CALCR: variants seen among roughly 807,000 people sequenced by gnomAD.
CALCR encodes the protein calcitonin receptor.
Under a neutral mutation model 59.5 loss-of-function variants are expected in CALCR, and 47 were observed. The ratio of observed to expected loss-of-function variants is 0.79; its 90% CI spans 0.63 to 1.01. CALCR has a LOEUF of 1.01. Ranked by LOEUF, CALCR falls within the 50% of genes least tolerant of loss-of-function variation. CALCR has a pLI of 0.00. For synonymous variants in CALCR, 213 were observed against 211.3 expected (o/e 1.01, Z -0.07); for missense variants, 566 against 597.1 (o/e 0.95, Z 0.54).
rs748742308 is a variant in CALCR at position 93,426,558 on chromosome 7, T to G, written c.1223A>C (p.Gln408Pro). 2.5e-6 allele frequency: 4 copies of G among 1,610,646 alleles called. No homozygotes were observed. The change falls in exon 14 of 14, where the codon CAA (glutamine) becomes CCA (proline). Residue 408 changes from glutamine to proline, a missense_variant. By Grantham distance (76) the Gln-to-Pro change is moderately conservative. Coordinates refer to ENST00000426151, the MANE Select transcript of CALCR (RefSeq NM_001742.4). ...VQTTVKRQWA[Q>P]FKIQWNQRWG... is the part of the protein sequence containing the mutation. Reference sequence around the variant, plus strand: ...ACGCTGGTTCCACTGAATTTTGAATTGGGCCCATTGGCGCTTCACGGTGGT... The same window carrying G: ...ACGCTGGTTCCACTGAATTTTGAATGGGGCCCATTGGCGCTTCACGGTGGT...
intron 2 of CALCR, among the ~76,000 whole-genome samples, chr7:93,573,976 A>G (rs1490040292): frequency 1.3e-5 from 2 of 152,222 alleles, no homozygotes; most frequent in East Asian, 1.9e-4. Context: ...TTCCTACCCA[A>G]TAAGTTGGAG....
chr7:93,552,314 C>T (rs951428652), intron 2 of CALCR, among the ~76,000 whole-genome samples: 1 of 152,142 alleles, frequency 6.6e-6, no homozygotes, highest in African/African-American at 2.4e-5. Flanking sequence ...TATGAGCTTA[C>T]CAAAGTCACA....
At chr7:93,488,599 A>AAAAAAAAAAAAC (rs1801002847) in intron 2 of CALCR, among the ~76,000 whole-genome samples, 2 of 149,722 alleles carry the variant, frequency 1.3e-5, no homozygotes, top group African/African-American at 2.4e-5. Context: ...AAAAAAAAAA[A>AAAAAAAAAAAAC]AAGCATGGGT....
At chr7:93,572,043 A>G (rs552538962) in intron 2 of CALCR, among the ~76,000 whole-genome samples, 1 of 152,296 alleles carries the variant, frequency 6.6e-6, no homozygotes, top group African/African-American at 2.4e-5. Flanking sequence ...GAGTTCATTT[A>G]CTAAAACATT....
intron 3 of CALCR, chr7:93,482,629 TAAC>T (rs1473769669): frequency 3.2e-6 from 1 of 307,892 alleles, no homozygotes; most frequent in Non-Finnish European, 6.4e-6. Context: ...TGTCCGAGGA[TAAC>T]AAGTAGAAAA....
At chr7:93,463,998 G>T (rs1800391983) in intron 7 of CALCR, among the ~76,000 whole-genome samples, 1 of 151,980 alleles carries the variant, frequency 6.6e-6, no homozygotes, top group Non-Finnish European at 1.5e-5. Flanking sequence ...ACCAATCAAG[G>T]TGTCATTCAA....
intron 2 of CALCR, among the ~76,000 whole-genome samples, chr7:93,496,895 C>G (rs1054564287): frequency 2.6e-5 from 4 of 151,652 alleles, no homozygotes; most frequent in Admixed American, 6.6e-5. Context: ...GCTGCCACAG[C>G]AAAGCCTTCT....
chr7:93,478,389 G>C (rs1177894475), intron 4 of CALCR, among the ~76,000 whole-genome samples: 1 of 151,750 alleles, frequency 6.6e-6, no homozygotes, highest in Non-Finnish European at 1.5e-5. Context: ...TCCCTACCAA[G>C]TTGGGTTGTC....
At chr7:93,459,530 C>A (rs1584552098) in intron 8 of CALCR, among the ~76,000 whole-genome samples, 2 of 152,132 alleles carry the variant, frequency 1.3e-5, no homozygotes, top group Non-Finnish European at 2.9e-5. Flanking sequence ...TCCTCCCCTG[C>A]CAGTTTATTT....
At chr7:93,444,678 T>C (rs1584541115) in intron 8 of CALCR, among the ~76,000 whole-genome samples, 1 of 151,982 alleles carries the variant, frequency 6.6e-6, no homozygotes, top group African/African-American at 2.4e-5. Context: ...ATGTCCCCAG[T>C]TGAGGATGCG....
In CALCR at chr7:93,425,864, T is replaced by C. The variant is rs1039259791; in HGVS notation, c.*492A>G. 1 of 153,034 alleles carries C rather than the reference T, an allele frequency of 6.5e-6. No homozygotes were observed. Among genetic ancestry groups the C allele is most frequent in the African/African-American group, 2.4e-5 (1 of 41,450 alleles). 9.5% of individuals were successfully genotyped at this position (153,034 alleles called of 1,614,324 possible). A position where few individuals can be genotyped will look rare whatever the true frequency, so the allele number is the denominator to read the frequency against. ...GTCACGTAGTTCATGTGGTTTACAT[T>C]GTAAGGATGGTAAAACATCTCAGTA... is the stretch of plus-strand genomic sequence containing the variant. On this transcript the variant is annotated 3_prime_UTR_variant, in exon 14 of 14. Transcript: ENST00000426151.
chr7:93,526,799 A>G (rs996264513), intron 2 of CALCR, among the ~76,000 whole-genome samples: 2 of 152,122 alleles, frequency 1.3e-5, no homozygotes, highest in African/African-American at 2.4e-5. Context: ...ATTCAACAAC[A>G]TAGTTACTTA....
chr7:93,485,112 C>T (rs77629101), intron 3 of CALCR, among the ~76,000 whole-genome samples: 1,799 of 151,734 alleles, frequency 0.012, 47 homozygotes, highest in South Asian at 0.067. Flanking sequence ...ACATAATAAA[C>T]GTTTTGAAGA....
intron 2 of CALCR, among the ~76,000 whole-genome samples, chr7:93,572,535 T>C (rs975344386): frequency 5.3e-5 from 8 of 152,102 alleles, no homozygotes; most frequent in Non-Finnish European, 1.2e-4. Flanking sequence ...CCATTACCGG[T>C]CTCCTATTTC....
intron 13 of CALCR, among the ~76,000 whole-genome samples, chr7:93,433,690 A>G (rs886181141): frequency 6.6e-6 from 1 of 152,236 alleles, no homozygotes; most frequent in Non-Finnish European, 1.5e-5. Context: ...GTTGGAAGAA[A>G]GGGTAACTCT....
chr7:93,525,342 T>C (rs1801854934), intron 2 of CALCR, among the ~76,000 whole-genome samples: 1 of 152,194 alleles, frequency 6.6e-6, no homozygotes, highest in African/African-American at 2.4e-5. Context: ...GGCTTTGGTG[T>C]AACAGAAGTT....
intron 2 of CALCR, among the ~76,000 whole-genome samples, chr7:93,519,203 A>T (rs1050851436): frequency 6.6e-6 from 1 of 152,010 alleles, no homozygotes; most frequent in Non-Finnish European, 1.5e-5. Context: ...TGTGAATTTA[A>T]ATTCTATAAA....
chr7:93,487,001 CT>C lies in CALCR; in HGVS notation c.-21del. On this transcript the variant is annotated 5_prime_UTR_variant, in exon 3 of 14. Coordinates refer to ENST00000426151, the MANE Select transcript of CALCR (RefSeq NM_001742.4). ...CCTCATTTTTGATTTTTGAAGATCT[CT>C]TTGTCCTAGAAAAATATAAAAGCAA... The C allele has an allele frequency of 6.4e-7, 1 of 1,551,408 alleles. No homozygotes were observed. The highest frequency in any genetic ancestry group is 8.9e-7 in the Non-Finnish European group (1 of 1,127,576).
intron 2 of CALCR, among the ~76,000 whole-genome samples, chr7:93,541,266 C>G (rs1165656254): frequency 6.6e-6 from 1 of 152,116 alleles, no homozygotes; most frequent in East Asian, 1.9e-4. Flanking sequence ...CTCTGCCTCC[C>G]AAGTTCAAGC....
Sources: gnomAD v4.1 joint callset for allele counts (sites outside exome capture counted in the v4.1 genomes callset) on GRCh38, gnomAD v4.1.1 for gene constraint, MANE v1.5 for transcripts, NCBI Gene and HGNC (gene_info 2026-07-23, HGNC 2026-07-21) for gene names.